The following CTNNA3 variants were observed in gnomAD, a reference collection of about 807,000 sequenced individuals.
The protein encoded by CTNNA3 is catenin alpha-3.
CTNNA3 carries 76 observed loss-of-function variants against 95.7 expected under a neutral mutation model. The observed-to-expected ratio is 0.79, with a 90% CI of 0.66 to 0.96. CTNNA3 has a LOEUF of 0.96. CTNNA3 is among the 40% of genes least tolerant of loss of function. CTNNA3 has a pLI of 0.00. For synonymous variants in CTNNA3, 431 were observed against 374.4 expected, an observed-to-expected ratio of 1.15 and a Z score of -1.74; for missense variants, 1,191 against 1,089.8, an observed-to-expected ratio of 1.09 and a Z score of -1.31.
At chr10:67,393,558 A>G (rs894716032) in intron 5 of CTNNA3, among the ~76,000 whole-genome samples, 2 of 152,068 alleles carry the variant, frequency 1.3e-5, no homozygotes, top group African/African-American at 4.8e-5. Context: ...TACTATCACT[A>G]TTTCTTCAGG....
intron 7 of CTNNA3, among the ~76,000 whole-genome samples, chr10:67,064,395 C>T (rs1385501351): frequency 1.3e-5 from 2 of 151,594 alleles, no homozygotes; most frequent in East Asian, 1.9e-4. Context: ...CTAGTGTAAC[C>T]GAAATTACCA....
chr10:67,526,002 T>G (rs1166380913), intron 4 of CTNNA3, among the ~76,000 whole-genome samples: 2 of 152,198 alleles, frequency 1.3e-5, no homozygotes, highest in African/African-American at 2.4e-5. Context: ...GTGATCTTAG[T>G]GTCCCTAAAT....
intron 13 of CTNNA3, among the ~76,000 whole-genome samples, chr10:66,269,815 C>A (rs910308498): frequency 6.6e-6 from 1 of 152,146 alleles, no homozygotes; most frequent in Admixed American, 6.5e-5. Flanking sequence ...CAATTGCCAT[C>A]ATCTTTAAAG....
chr10:66,718,643 T>G (rs977188472), intron 9 of CTNNA3, among the ~76,000 whole-genome samples: 5 of 149,288 alleles, frequency 3.3e-5, no homozygotes, highest in Middle Eastern at 3.6e-3. Flanking sequence ...TAATATAATG[T>G]AAATATCATT....
intron 17 of CTNNA3, among the ~76,000 whole-genome samples, chr10:65,924,148 T>G (rs2077130008): frequency 6.6e-6 from 1 of 152,180 alleles, no homozygotes; most frequent in Non-Finnish European, 1.5e-5. Flanking sequence ...TCCAAAATAT[T>G]ACAGCCCTAA....
chr10:66,544,586 T>C (rs933652441), intron 10 of CTNNA3, among the ~76,000 whole-genome samples: 2 of 152,128 alleles, frequency 1.3e-5, no homozygotes, highest in Non-Finnish European at 2.9e-5. Context: ...TTAATAAATC[T>C]CTTGATTATT....
chr10:66,524,480 A>G (rs1270310548), intron 10 of CTNNA3, among the ~76,000 whole-genome samples: 1 of 150,238 alleles, frequency 6.7e-6, no homozygotes, highest in African/African-American at 2.5e-5. Context: ...CAGGTACCCA[A>G]TTCAAGAAGA....
In CTNNA3 at chr10:66,121,330, A is replaced by G. The variant is rs146925288; in HGVS notation, c.1885-18081T>C. Among the ~76,000 whole-genome samples, 1,060 of 152,352 alleles carry G rather than the reference A, an allele frequency of 7.0e-3. 12 individuals carry two copies. The highest frequency in any genetic ancestry group is 0.024 in the African/African-American group (996 of 41,586). ...GCTTATAAATCTCTTTACCTAATTT[A>G]AAACACTGCTAGTTGTAGCTAGAAA... On this transcript the variant is annotated intron_variant, in intron 13 of 17. Coordinates refer to ENST00000433211, the MANE Select transcript of CTNNA3 (RefSeq NM_013266.4).
At chr10:67,415,844 A>G (rs1213728115) in intron 5 of CTNNA3, among the ~76,000 whole-genome samples, 9 of 152,180 alleles carry the variant, frequency 5.9e-5, no homozygotes, top group Admixed American at 5.9e-4. Context: ...ATAAAGCCAC[A>G]CACCTACAAC....
intron 5 of CTNNA3, among the ~76,000 whole-genome samples, chr10:67,331,947 G>A (rs984026822): frequency 1.3e-5 from 2 of 152,086 alleles, no homozygotes; most frequent in South Asian, 4.1e-4. Context: ...TACTTAATGA[G>A]AGAATATATA....
chr10:65,954,928 T>C (rs1283982193), intron 17 of CTNNA3, among the ~76,000 whole-genome samples: 1 of 152,192 alleles, frequency 6.6e-6, no homozygotes, highest in Non-Finnish European at 1.5e-5. Flanking sequence ...GTGAAGGAAG[T>C]CATTGGTATC....
chr10:66,697,050 G>A (rs185925040), intron 9 of CTNNA3, among the ~76,000 whole-genome samples: 2 of 151,972 alleles, frequency 1.3e-5, no homozygotes, highest in Admixed American at 6.6e-5. Flanking sequence ...AAGATGCCTA[G>A]GTGGAATTGT....
intron 16 of CTNNA3, among the ~76,000 whole-genome samples, chr10:65,972,250 A>C (rs937307097): frequency 2.0e-5 from 3 of 152,104 alleles, no homozygotes; most frequent in Non-Finnish European, 4.4e-5. Flanking sequence ...GAATGGGCTA[A>C]AGCTGAAACC....
intron 16 of CTNNA3, among the ~76,000 whole-genome samples, chr10:65,968,894 C>A (rs776744461): frequency 2.0e-5 from 3 of 152,184 alleles, no homozygotes; most frequent in Non-Finnish European, 4.4e-5. Flanking sequence ...GGTGCTCATG[C>A]CTGCCCTTAG....
chr10:67,140,044 T>A (rs961432446), intron 7 of CTNNA3, among the ~76,000 whole-genome samples: 20 of 152,336 alleles, frequency 1.3e-4, no homozygotes, highest in Middle Eastern at 3.4e-3. Context: ...AGTGAAAATA[T>A]ATTAGGAAAA....
chr10:66,860,840 C>G (rs1843891754), intron 7 of CTNNA3, among the ~76,000 whole-genome samples: 2 of 152,126 alleles, frequency 1.3e-5, no homozygotes, highest in South Asian at 4.1e-4. Context: ...TCATATATGC[C>G]TCAATGTAAC....
intron 1 of CTNNA3, among the ~76,000 whole-genome samples, chr10:67,684,562 G>A (rs755245626): frequency 2.8e-4 from 42 of 152,288 alleles, no homozygotes; most frequent in Middle Eastern, 3.4e-3. Flanking sequence ...GGAATTGGGC[G>A]ATGACCGCTC....
At chr10:66,911,762 G>A (rs915899958) in intron 7 of CTNNA3, among the ~76,000 whole-genome samples, 1 of 151,990 alleles carries the variant, frequency 6.6e-6, no homozygotes, top group African/African-American at 2.4e-5. Context: ...CTACTACTTG[G>A]TATTACTACA....
At chr10:66,138,488 T>A (rs1453150248) in intron 13 of CTNNA3, among the ~76,000 whole-genome samples, 1 of 152,214 alleles carries the variant, frequency 6.6e-6, no homozygotes, top group South Asian at 2.1e-4. Context: ...TTATTCATGA[T>A]AATTCTTTAT....
Sources: gnomAD v4.1 joint callset for allele counts (sites outside exome capture counted in the v4.1 genomes callset) on GRCh38, gnomAD v4.1.1 for gene constraint, MANE v1.5 for transcripts, NCBI Gene and HGNC (gene_info 2026-07-23, HGNC 2026-07-21) for gene names.